FBXL13: variants seen among roughly 807,000 people sequenced by gnomAD.
The protein encoded by FBXL13 is F-box and leucine-rich repeat protein 13.
A neutral mutation model predicts 83.6 loss-of-function variants in FBXL13; 67 were observed. That is an observed-to-expected ratio of 0.80 (90% CI 0.66 to 0.98). The LOEUF (loss-of-function observed/expected upper bound fraction) is 0.98, where lower values mean the gene tolerates loss of function less well. Ranked by LOEUF, FBXL13 falls within the 50% of genes least tolerant of loss-of-function variation. The pLI is 0.00. For synonymous variants in FBXL13, 272 were observed against 299.5 expected (o/e 0.91, Z 0.95); for missense variants, 822 against 866.5 (o/e 0.95, Z 0.64).
chr7:102,967,001 C>G (rs1826035382), intron 7 of FBXL13, among the ~76,000 whole-genome samples: 1 of 151,802 alleles, frequency 6.6e-6, no homozygotes, highest in African/African-American at 2.4e-5. Context: ...GATGGAGTCT[C>G]ACTCTGTCAC....
intron 1 of FBXL13, among the ~76,000 whole-genome samples, chr7:103,061,616 G>C (rs1797908775): frequency 6.6e-6 from 1 of 151,926 alleles, no homozygotes; most frequent in South Asian, 2.1e-4. Flanking sequence ...TTGCATCTCT[G>C]ACAAATACGT....
At chr7:103,033,040 T>G (rs1262517304) in intron 2 of FBXL13, among the ~76,000 whole-genome samples, 2 of 152,122 alleles carry the variant, frequency 1.3e-5, no homozygotes, top group Non-Finnish European at 2.9e-5. Context: ...TCTGTCTGTC[T>G]GTCTCTGTCT....
At chr7:103,054,985 A>C (rs768131337) in intron 2 of FBXL13, 103 bp downstream of exon 3, 1 of 651,144 alleles carries the variant, frequency 1.5e-6, no homozygotes, top group Non-Finnish European at 2.3e-6. Flanking sequence ...CCCAACAACA[A>C]AAACAGTCTG....
At chr7:103,047,517 G>A (rs992671868) in intron 2 of FBXL13, among the ~76,000 whole-genome samples, 3 of 152,134 alleles carry the variant, frequency 2.0e-5, no homozygotes, top group African/African-American at 7.2e-5. Context: ...GGTTTAACAT[G>A]AAAATCTTGG....
chr7:102,968,361 A>G (rs1826222646), intron 6 of FBXL13, among the ~76,000 whole-genome samples: 1 of 152,214 alleles, frequency 6.6e-6, no homozygotes, highest in South Asian at 2.1e-4. Context: ...TAATCCTTTT[A>G]ATTGATAGTG....
chr7:103,030,809 G>C (rs1026322690), intron 2 of FBXL13, among the ~76,000 whole-genome samples: 2 of 151,930 alleles, frequency 1.3e-5, no homozygotes, highest in Non-Finnish European at 2.9e-5. Context: ...TTCTATTATT[G>C]AAAGAAGTAA....
rs141764702 is a variant in FBXL13 at position 103,036,445 on chromosome 7, G to A, written c.1-7027C>T. On this transcript the variant is annotated intron_variant, in intron 2 of 19. Transcript: ENST00000313221. ...AACATATCTTTATATATAGCAGCAC[G>A]GCATGGTATGAAGTGTTGAATTTTT... Among the ~76,000 whole-genome samples the A allele has an allele frequency of 1.8e-3, 270 of 152,076 alleles. 4 individuals carry two copies. The highest frequency in any genetic ancestry group is 6.9e-3 in the Admixed American group (106 of 15,282).
chr7:102,868,657 TTTTTGTTTTG>T (rs369830040), intron 16 of FBXL13, among the ~76,000 whole-genome samples: 71 of 152,132 alleles, frequency 4.7e-4, no homozygotes, highest in African/African-American at 1.6e-3. Context: ...CTTTGTGGTT[TTTTTGTTTTG>T]TTTTGTTTTG....
intron 6 of FBXL13, among the ~76,000 whole-genome samples, chr7:103,006,304 C>T (rs1317478784): frequency 1.3e-5 from 2 of 152,134 alleles, no homozygotes; most frequent in African/African-American, 2.4e-5. Flanking sequence ...TGACCGTATT[C>T]TAAGCTGTGT....
chr7:103,018,253 C>A (rs111914942), intron 6 of FBXL13, among the ~76,000 whole-genome samples: 3 of 152,190 alleles, frequency 2.0e-5, no homozygotes, highest in South Asian at 4.1e-4. Context: ...GAAATAAAAT[C>A]CTTTACAGAC....
Position 103,029,436 on chromosome 7 carries a change from T to C in FBXL13, c.1-18A>G, listed in dbSNP as rs1399594799. 3 of 1,360,656 alleles carry C rather than the reference T, an allele frequency of 2.2e-6. No individual in the cohort carries two copies. Among genetic ancestry groups the C allele is most frequent in the East Asian group, 2.7e-5 (1 of 37,084 alleles). 84.3% of individuals were successfully genotyped at this position (1,360,656 alleles called of 1,614,324 possible). On this transcript the variant is annotated intron_variant, in intron 2 of 19. Coordinates refer to ENST00000313221, the Ensembl canonical transcript of FBXL13. Reference sequence around the variant, plus strand: ...GGAGTCATCTAAAGTAAATAAATAATTGAAATAACAAATATTAGAAATAAA... The same window carrying C: ...GGAGTCATCTAAAGTAAATAAATAACTGAAATAACAAATATTAGAAATAAA...
intron 10 of FBXL13, among the ~76,000 whole-genome samples, chr7:102,918,583 A>C (rs1816363994): frequency 6.6e-6 from 1 of 152,228 alleles, no homozygotes; most frequent in Admixed American, 6.5e-5. Context: ...TGGGAAGCTG[A>C]AGCAAGAGGA....
At chr7:102,847,761 T>A (rs1562987857) in intron 17 of FBXL13, among the ~76,000 whole-genome samples, 1 of 152,138 alleles carries the variant, frequency 6.6e-6, no homozygotes, top group Non-Finnish European at 1.5e-5. Flanking sequence ...ACTCCTGGCC[T>A]CAGGTAACCC....
intron 8 of FBXL13, among the ~76,000 whole-genome samples, chr7:102,945,797 C>T (rs1822372999): frequency 6.6e-6 from 1 of 152,100 alleles, no homozygotes; most frequent in Non-Finnish European, 1.5e-5. Flanking sequence ...TCAAGGTATT[C>T]CTACAAAGTT....
chr7:102,934,768 T>G (rs1258233460), intron 8 of FBXL13: 1 of 1,217,806 alleles, frequency 8.2e-7, no homozygotes, highest in Non-Finnish European at 1.1e-6. Flanking sequence ...CATCCCACCA[T>G]GTCTTGGAAT....
chr7:102,868,546 T>A (rs933854234), intron 16 of FBXL13, among the ~76,000 whole-genome samples: 3 of 152,258 alleles, frequency 2.0e-5, no homozygotes, highest in South Asian at 2.1e-4. Flanking sequence ...ATCACATTTT[T>A]AAATCCATTC....
At chr7:102,946,735 T>G (rs1822575502) in intron 8 of FBXL13, among the ~76,000 whole-genome samples, 1 of 151,934 alleles carries the variant, frequency 6.6e-6, no homozygotes, top group South Asian at 2.1e-4. Context: ...AGTGCAGTGT[T>G]GCAATCTCGG....
chr7:102,823,949 A>T (rs1799182192), intron 18 of FBXL13, among the ~76,000 whole-genome samples: 1 of 152,170 alleles, frequency 6.6e-6, no homozygotes, highest in Admixed American at 6.5e-5. Flanking sequence ...GATGTCATTG[A>T]TAAAAGAAAA....
intron 9 of FBXL13, among the ~76,000 whole-genome samples, chr7:102,926,995 G>C (rs921936924): frequency 3.3e-5 from 5 of 152,166 alleles, no homozygotes; most frequent in Non-Finnish European, 5.9e-5. Flanking sequence ...TGGGAGTAGG[G>C]TGGGGGAGGA....
Sources: gnomAD v4.1 joint callset for allele counts (sites outside exome capture counted in the v4.1 genomes callset) on GRCh38, gnomAD v4.1.1 for gene constraint, MANE v1.5 for transcripts, NCBI Gene and HGNC (gene_info 2026-07-23, HGNC 2026-07-21) for gene names.